The following FRMD4B variants were observed in gnomAD, a reference collection of about 807,000 sequenced individuals.
FRMD4B encodes the protein FERM domain-containing protein 4B.
Under a neutral mutation model 141.5 loss-of-function variants are expected in FRMD4B, and 74 were observed. That is an observed-to-expected ratio of 0.52 (90% CI 0.43 to 0.63). The LOEUF (loss-of-function observed/expected upper bound fraction) is 0.63. Ranked by LOEUF, FRMD4B falls within the 30% of genes least tolerant of loss-of-function variation. FRMD4B has a pLI of 0.00. For missense variants in FRMD4B, 1,366 were observed against 1,253.4 expected, an observed-to-expected ratio of 1.09 and a Z score of -1.36; for synonymous variants, 506 against 467.9, an observed-to-expected ratio of 1.08 and a Z score of -1.05.
intron 5 of FRMD4B, among the ~76,000 whole-genome samples, chr3:69,264,667 A>C (rs2093549313): frequency 6.6e-6 from 1 of 152,218 alleles, no homozygotes; most frequent in East Asian, 1.9e-4. Context: ...TTTACTTTCT[A>C]CAAAAGTAGC....
chr3:69,267,624 TATATATATATATAGAG>T (rs2093571705), intron 5 of FRMD4B, among the ~76,000 whole-genome samples: 1 of 18,460 alleles, frequency 5.4e-5, no homozygotes, highest in African/African-American at 1.8e-4. Context: ...TATATATATA[TATATATATATATAGAG>T]AGAGAGAGAG....
chr3:69,487,066 C>T (rs1706227243), intron 1 of FRMD4B, among the ~76,000 whole-genome samples: 1 of 152,062 alleles, frequency 6.6e-6, no homozygotes, highest in Admixed American at 6.5e-5. Flanking sequence ...TAATCTATAA[C>T]CAGATATACT....
chr3:69,448,124 G>A (rs1191154815), intron 1 of FRMD4B, among the ~76,000 whole-genome samples: 2 of 151,814 alleles, frequency 1.3e-5, no homozygotes, highest in Non-Finnish European at 2.9e-5. Flanking sequence ...CTGTTTCCTG[G>A]GTTCAAGGGA....
chr3:69,405,572 G>A (rs1327174161), intron 2 of FRMD4B, among the ~76,000 whole-genome samples: 3 of 152,208 alleles, frequency 2.0e-5, no homozygotes, highest in Non-Finnish European at 4.4e-5. Context: ...GTTACCAGAA[G>A]AAGAAGGTAG....
At chr3:69,424,181 G>A (rs893922755) in intron 2 of FRMD4B, among the ~76,000 whole-genome samples, 1 of 152,154 alleles carries the variant, frequency 6.6e-6, no homozygotes, top group Non-Finnish European at 1.5e-5. Flanking sequence ...ATGTTGTGAC[G>A]AGGTTTATAG....
chr3:69,281,782 C>G (rs1281997358), intron 5 of FRMD4B, among the ~76,000 whole-genome samples: 2 of 150,390 alleles, frequency 1.3e-5, no homozygotes, highest in Admixed American at 1.3e-4. Flanking sequence ...TGAGATCGCA[C>G]CACTGCACTC....
chr3:69,464,039 G>C lies in FRMD4B; in HGVS notation c.-128-31278C>G, dbSNP rs576090318. Among the ~76,000 whole-genome samples the C allele has an allele frequency of 2.0e-5, 3 of 152,284 alleles. No individual in the cohort carries two copies. In the South Asian group the frequency reaches 6.2e-4, roughly 32 times the overall value. Reference sequence around the variant, plus strand: ...GCCTCACCTTGATCCATTTGGAAAAGTACAGTACACCCTTTACTTAACTCG... The same window carrying C: ...GCCTCACCTTGATCCATTTGGAAAACTACAGTACACCCTTTACTTAACTCG... On this transcript the variant is annotated intron_variant, in intron 1 of 5. Coordinates refer to the FRMD4B transcript ENST00000459638.
At chr3:69,212,295 G>A (rs1290401393) in intron 11 of FRMD4B, among the ~76,000 whole-genome samples, 1 of 142,374 alleles carries the variant, frequency 7.0e-6, no homozygotes, top group African/African-American at 2.6e-5. Flanking sequence ...AGGAGGTGGA[G>A]GTTGCAGTGA....
intron 1 of FRMD4B, among the ~76,000 whole-genome samples, chr3:69,331,833 T>A (rs1340195284): frequency 6.6e-6 from 1 of 152,180 alleles, no homozygotes; most frequent in Admixed American, 6.5e-5. Flanking sequence ...CTCACGCCTA[T>A]AATCCCAGCA....
intron 1 of FRMD4B, chr3:69,353,772 T>G (rs6762186): frequency 0.33 from 305,552 of 918,868 alleles, 55,521 homozygotes; most frequent in African/African-American, 0.71. Flanking sequence ...ACTGTTTGTT[T>G]CTTTGATTAG....
chr3:69,361,477 CTT>C (rs1223245278), intron 1 of FRMD4B, among the ~76,000 whole-genome samples: 11 of 152,210 alleles, frequency 7.2e-5, no homozygotes, highest in African/African-American at 2.6e-4. Context: ...AGATATAAAA[CTT>C]TTCCAGAAAG....
Position 69,304,498 on chromosome 3 carries a change from A to AC in FRMD4B, c.324-2064_324-2063insG, listed in dbSNP as rs1409196977. The stretch of plus-strand genomic sequence containing the variant: ...GATTCTATCTCAAAAAAAAAAAAAA[A>AC]AAAAAAACAGTACAGGGCTGAATAC... On this transcript the variant is annotated intron_variant, in intron 3 of 22. Transcript: ENST00000398540. Among the ~76,000 whole-genome samples the AC allele has an allele frequency of 6.6e-5, 10 of 151,872 alleles. 1 individual carries two copies. The highest frequency in any genetic ancestry group is 3.3e-4 in the Admixed American group (5 of 15,222).
chr3:69,197,525 T>C (rs1391806986), intron 12 of FRMD4B, among the ~76,000 whole-genome samples: 1 of 147,404 alleles, frequency 6.8e-6, no homozygotes, highest in Non-Finnish European at 1.5e-5. Flanking sequence ...AGTCCAAAAC[T>C]GTCCAGAGTG....
chr3:69,211,616 T>C (rs2093080566), intron 11 of FRMD4B, among the ~76,000 whole-genome samples: 2 of 152,236 alleles, frequency 1.3e-5, no homozygotes, highest in Non-Finnish European at 2.9e-5. Context: ...TTCTTAGTAC[T>C]TATTCTCAGT....
chr3:69,527,882 T>C (rs1184608292), intron 1 of FRMD4B, among the ~76,000 whole-genome samples: 2 of 152,236 alleles, frequency 1.3e-5, no homozygotes, highest in South Asian at 2.1e-4. Context: ...TTTAGGGTTC[T>C]GATAGCTTCT....
At chr3:69,350,184 A>T (rs1703088992) in intron 1 of FRMD4B, among the ~76,000 whole-genome samples, 1 of 152,248 alleles carries the variant, frequency 6.6e-6, no homozygotes, top group African/African-American at 2.4e-5. Context: ...GACGCTTCTC[A>T]AAAGAAGACA....
rs140760086 is a variant in FRMD4B, at chr3:69,536,505, A to C, written c.-129+5701T>G. 406 of 695,258 alleles carry C rather than the reference A, an allele frequency of 5.8e-4. No individual in the cohort carries two copies. In the African/African-American group the frequency reaches 5.9e-3, roughly 10 times the overall value. The allele number at this position is 695,258 out of a possible 1,614,324, so 43.1% of individuals were successfully genotyped here. On this transcript the variant is annotated intron_variant, in intron 1 of 5. Transcript: ENST00000459638. ...CCAACGTGCCCTAGCGCTACTCCCC[A>C]GCCTGCAGCGCCTCTACCACCGTGC...
chr3:69,475,860 A>G lies in FRMD4B; in HGVS notation c.-128-43099T>C, dbSNP rs527893306. On this transcript the variant is annotated intron_variant, in intron 1 of 5. Coordinates refer to the FRMD4B transcript ENST00000459638. Reference sequence around the variant, plus strand: ...GTTCCTATTTCTCCACATCCTCTCCAGCACCTGTTGTTTCCTGACTTTTTA... The same window carrying G: ...GTTCCTATTTCTCCACATCCTCTCCGGCACCTGTTGTTTCCTGACTTTTTA... Among the ~76,000 whole-genome samples the G allele has an allele frequency of 6.9e-3, 1,042 of 151,860 alleles. 3 individuals are homozygous for G. The highest frequency in any genetic ancestry group is 0.011 in the Non-Finnish European group (776 of 68,012).
chr3:69,331,907 G>A (rs573288383), intron 1 of FRMD4B, among the ~76,000 whole-genome samples: 1 of 152,240 alleles, frequency 6.6e-6, no homozygotes, highest in African/African-American at 2.4e-5. Flanking sequence ...GGCCAAGATG[G>A]TGAAACCCTG....
Sources: allele counts gnomAD v4.1 joint callset (sites outside exome capture counted in the v4.1 genomes callset), GRCh38; gene constraint gnomAD v4.1.1; transcripts MANE v1.5; gene names NCBI Gene and HGNC (gene_info 2026-07-23, HGNC 2026-07-21).